The following COL11A2 variants were observed in gnomAD, a reference collection of about 807,000 sequenced individuals.
The protein encoded by COL11A2 is collagen alpha-2(XI) chain.
A neutral mutation model predicts 273.4 loss-of-function variants in COL11A2; 116 were observed. The ratio of observed to expected loss-of-function variants is 0.42; its 90% CI spans 0.36 to 0.49. The LOEUF is 0.49. COL11A2 is among the 20% of genes least tolerant of loss of function. COL11A2 has a pLI of 0.00. For missense variants in COL11A2, 1,866 were observed against 2,309.0 expected (o/e 0.81, Z 3.93); for synonymous variants, 782 against 864.2 (o/e 0.90, Z 1.67).
intron 30 of COL11A2, 102 bp from the exon 31 acceptor site, chr6:33,174,682 C>G (rs1292886026): frequency 9.3e-7 from 1 of 1,070,860 alleles, no homozygotes; most frequent in Non-Finnish European, 1.4e-6. Flanking sequence ...CCCCACCCAG[C>G]AACACACCCC....
At position 33,176,341 on chromosome 6, in the gene COL11A2, G is replaced by A. The variant is rs1179014350; in HGVS notation, c.2170-38C>T. ...AGGGGATAGAAGTAGACTGATCAGG[G>A]GATGGAGGTGGGTTGGAAGGACCAA... On this transcript the variant is annotated intron_variant, in intron 27 of 65. Transcript: ENST00000341947. The surrounding 1 kb of genome is among the most constrained non-coding windows in gnomAD (Gnocchi z 4.9). 1 of 1,601,234 alleles carries A rather than the reference G, an allele frequency of 6.2e-7. No individual in the cohort carries two copies. Among genetic ancestry groups the A allele is most frequent in the South Asian group, 1.1e-5 (1 of 89,616 alleles).
rs370904639 is a variant in COL11A2 at position 33,177,620 on chromosome 6, G to A, written c.1917+42C>T. Reference sequence around the variant, plus strand: ...CCAACAGGATGCTGGCAGGGACCTCGGGGGATAAGAATGGGGGTGGGATCT... The same window carrying A: ...CCAACAGGATGCTGGCAGGGACCTCAGGGGATAAGAATGGGGGTGGGATCT... On this transcript the variant is annotated intron_variant, in intron 22 of 65. Transcript: ENST00000341947. The surrounding 1 kb of genome is among the most constrained non-coding windows in gnomAD (Gnocchi z 5.9). The A allele has an allele frequency of 2.2e-4, 357 of 1,610,730 alleles. 3 individuals carry two copies. In the Middle Eastern group the frequency reaches 5.5e-3, roughly 25 times the overall value.
chr6:33,167,505 C>G lies in COL11A2; in HGVS notation c.4043G>C (p.Gly1348Ala). 6.2e-7 allele frequency: 1 copy of G among 1,612,858 alleles called. No homozygotes were observed. Among genetic ancestry groups the G allele is most frequent in the Non-Finnish European group, 8.5e-7 (1 of 1,180,032 alleles). The change falls in exon 56 of 66, where the codon GGG (glycine) becomes GCG (alanine). Residue 1348 changes from glycine (G) to alanine (A), a missense_variant. Coordinates refer to ENST00000341947, the MANE Select transcript of COL11A2 (RefSeq NM_080680.3). This position sits in a 1 kb window ranked among gnomAD's most constrained non-coding sequence, Gnocchi z 6.1. ...TGCAGGACCCACCGGGCCTGTCTTC[C>G]CCGGGGCACCTATAGCGCCAGGATC... is the stretch of plus-strand genomic sequence containing the variant. ...KGDPGAIGAPGKTGPVGPAGP... is the reference protein window; with the variant it reads ...KGDPGAIGAPAKTGPVGPAGP...
Position 33,177,844 on chromosome 6 carries a change from G to T in COL11A2, c.1873-138C>A. On this transcript the variant is annotated intron_variant, in intron 21 of 65. Transcript: ENST00000341947. The surrounding 1 kb of genome is among the most constrained non-coding windows in gnomAD (Gnocchi z 5.9). ...ACCCAAGCAAACACAGCTGGCCCAG[G>T]CCTGCAGTGTGTGGGACTGTGGATC... is the stretch of plus-strand genomic sequence containing the variant. The T allele has an allele frequency of 1.0e-6, 1 of 971,102 alleles. No homozygotes were observed. The highest frequency in any genetic ancestry group is 1.6e-6 in the Non-Finnish European group (1 of 617,120). 60.2% of individuals were successfully genotyped at this position (971,102 alleles called of 1,614,324 possible).
In COL11A2 at chr6:33,163,681, T is replaced by C; in HGVS notation, c.5208A>G (p.Gly1736=). 1.2e-6 allele frequency: 2 copies of C among 1,613,000 alleles called. No homozygotes were observed. Among genetic ancestry groups the C allele is most frequent in the South Asian group, 1.1e-5 (1 of 91,080 alleles). Residue 1736 remains glycine, a synonymous_variant, in exon 66 of 66, where the codon GGA becomes GGG. Transcript: ENST00000341947. This position sits in a 1 kb window ranked among gnomAD's most constrained non-coding sequence, Gnocchi z 4.1. The stretch of plus-strand genomic sequence containing the variant: ...ACAGGATCAGACAGAGACGGTCCTA[T>C]CCCATGAAGCAGACAGGCCCCAGCA... ...GVLLGPVCFM[G] is the part of the protein sequence containing the mutation.
chr6:33,183,384 C>A (rs567001655), intron 8 of COL11A2, among the ~76,000 whole-genome samples: 2 of 152,012 alleles, frequency 1.3e-5, no homozygotes, highest in Non-Finnish European at 1.5e-5. Context: ...AAGAAAGGCA[C>A]AAAACAGGTA....
rs774521995 is a variant in COL11A2, at chr6:33,166,740, G to T, written c.4318C>A (p.Pro1440Thr). 30 of 1,613,516 alleles carry T rather than the reference G, an allele frequency of 1.9e-5. No homozygotes were observed. Residue 1440 changes from proline to threonine, a missense_variant, in exon 59 of 66, where the codon CCT (proline) becomes ACT (threonine). Transcript: ENST00000341947. This position sits in a 1 kb window ranked among gnomAD's most constrained non-coding sequence, Gnocchi z 4.8. The part of the protein sequence containing the change: ...DRGLPGPQGS[P>T]GQKGEMGIPG... ...CTCACCATCTCACCCTTCTGCCCAG[G>T]GGAGCCCTGAGGCCCAGGAAGTCCC...
At position 33,179,137 on chromosome 6, in the gene COL11A2, G is replaced by A. The variant is rs754143884; in HGVS notation, c.1558-11C>T. The A allele has an allele frequency of 3.3e-5, 53 of 1,613,564 alleles. No individual in the cohort carries two copies. In the South Asian group the frequency reaches 5.3e-4, roughly 16 times the overall value. ...AGGTCCTCTGGGGCCCTGGTGAGAG[G>A]AGAGATGGGGTGGGGTTAGGAGGCA... On this transcript the variant is annotated splice_polypyrimidine_tract_variant and intron_variant, in intron 15 of 65. Transcript: ENST00000341947. This position sits in a 1 kb window ranked among gnomAD's most constrained non-coding sequence, Gnocchi z 6.4.
Position 33,179,533 on chromosome 6 carries a change from AC to A in COL11A2, c.1447-47del. The A allele has an allele frequency of 1.3e-6, 2 of 1,517,960 alleles. No homozygotes were observed. Among genetic ancestry groups the A allele is most frequent in the Non-Finnish European group, 1.8e-6 (2 of 1,116,862 alleles). 94.0% of individuals were successfully genotyped at this position (1,517,960 alleles called of 1,614,324 possible). ...CAGAGCTGAGGGACAGGCAGTGGGA[AC>A]CCCCAGCCCCAGCACTCTCCAAATT... On this transcript the variant is annotated intron_variant, in intron 13 of 65. Transcript: ENST00000341947. The surrounding 1 kb of genome is among the most constrained non-coding windows in gnomAD (Gnocchi z 6.4).
rs772899403 is a variant in COL11A2 at position 33,189,506 on chromosome 6, C to G, written c.83-37G>C. 1.9e-6 allele frequency: 3 copies of G among 1,610,238 alleles called. No homozygotes were observed. In the African/African-American group the frequency reaches 4.0e-5, roughly 22 times the overall value. On this transcript the variant is annotated intron_variant, in intron 1 of 65. Transcript: ENST00000341947. This position sits in a 1 kb window ranked among gnomAD's most constrained non-coding sequence, Gnocchi z 5.6. The stretch of plus-strand genomic sequence containing the variant: ...CATGATTATCAGGAGAAGGGACATG[C>G]CCTCAGGAGGGCATAAATAGGGGAC...
Position 33,164,949 on chromosome 6 carries a change from T to C in COL11A2, c.4766A>G (p.Asp1589Gly). The change falls in exon 64 of 66, where the codon GAC becomes GGC. Residue 1589 changes from aspartate to glycine, a missense_variant. By Grantham distance (94) the Asp-to-Gly change is moderately conservative (BLOSUM62 -1). Transcript: ENST00000341947. This position sits in a 1 kb window ranked among gnomAD's most constrained non-coding sequence, Gnocchi z 4.7. ...ATCCCGAGCACAGCCCTGGTTGGGG[T>C]CGACCCAGTACTCTCCTGTTGGGTG... is the stretch of plus-strand genomic sequence containing the variant. ...PELPDGEYWVDPNQGCARDAF... is the reference protein window; with the variant it reads ...PELPDGEYWVGPNQGCARDAF... 3 of 1,575,272 alleles carry C rather than the reference T, an allele frequency of 1.9e-6. No homozygotes were observed. The highest frequency in any genetic ancestry group is 2.6e-6 in the Non-Finnish European group (3 of 1,159,098).
rs868751794 is a variant in COL11A2 at position 33,164,173 on chromosome 6, C to T, written c.5070+94G>A. On this transcript the variant is annotated intron_variant, in intron 65 of 65. Coordinates refer to ENST00000341947, the MANE Select transcript of COL11A2 (RefSeq NM_080680.3). This position sits in a 1 kb window ranked among gnomAD's most constrained non-coding sequence, Gnocchi z 4.7. ...ATCCAGCAGGACGGACTCCTCCCTG[C>T]TCCCCCTGGGTGCCCTGCCCAAGGG... The T allele has an allele frequency of 1.1e-4, 151 of 1,416,974 alleles. No individual in the cohort carries two copies. The African/African-American group carries it at 1.7e-3, about 16-fold the overall frequency. 87.8% of individuals were successfully genotyped at this position (1,416,974 alleles called of 1,614,324 possible). A position where few individuals can be genotyped will look rare whatever the true frequency, so the allele number is the denominator to read the frequency against.
intron 3 of COL11A2, 85 bp downstream of exon 3, chr6:33,188,893 G>A (rs1274565020): frequency 2.0e-6 from 3 of 1,464,832 alleles, no homozygotes; most frequent in Non-Finnish European, 2.9e-6. Context: ...GGTCTCAAGG[G>A]TTTCACAGTT....
Position 33,176,274 on chromosome 6 carries a change from A to G in COL11A2, c.2199T>C (p.Gly733=), listed in dbSNP as rs1225019914. The part of the protein sequence containing the change: ...KGVDGIRGLK[G]HKGEKGEDGF... ...TGGTGCTCACCTTCTCACCCTTATG[A>G]CCCTTCAGACCCCGAATTCCGTCCA... Residue 733 remains glycine (G), a synonymous_variant, in exon 28 of 66, where the codon GGT becomes GGC. Coordinates refer to ENST00000341947, the MANE Select transcript of COL11A2 (RefSeq NM_080680.3). The surrounding 1 kb of genome is among the most constrained non-coding windows in gnomAD (Gnocchi z 4.9). The G allele has an allele frequency of 6.2e-7, 1 of 1,607,406 alleles. No homozygotes were observed. Among genetic ancestry groups the G allele is most frequent in the Admixed American group, 1.7e-5 (1 of 59,098 alleles).
intron 8 of COL11A2, among the ~76,000 whole-genome samples, chr6:33,181,773 A>G (rs939646874): frequency 6.6e-6 from 1 of 151,260 alleles, no homozygotes; most frequent in African/African-American, 2.4e-5. Flanking sequence ...GGCGTGAGCC[A>G]CCACACCTGG....
chr6:33,165,027 C>A lies in COL11A2; in HGVS notation c.4751-63G>T. On this transcript the variant is annotated intron_variant, in intron 63 of 65. Coordinates refer to ENST00000341947, the MANE Select transcript of COL11A2 (RefSeq NM_080680.3). This position sits in a 1 kb window ranked among gnomAD's most constrained non-coding sequence, Gnocchi z 7.7. ...GGTCCAGGCTCCAAGATGCTCTTTG[C>A]CCCCACATTCCCTCTTCCCTCCCAG... The A allele has an allele frequency of 8.1e-7, 1 of 1,237,244 alleles. No individual in the cohort carries two copies. The highest frequency in any genetic ancestry group is 1.2e-6 in the Non-Finnish European group (1 of 862,632). 76.6% of individuals were successfully genotyped at this position (1,237,244 alleles called of 1,614,324 possible). A position where few individuals can be genotyped will look rare whatever the true frequency, so the allele number is the denominator to read the frequency against.
At position 33,178,102 on chromosome 6, in the gene COL11A2, C is replaced by T. The variant is rs781260185; in HGVS notation, c.1872+30G>A. ...AGAGTTGGAGAGGTCAAGGGGTCAC[C>T]TCAGGGTCAGAAGTCAGGGAGTCAC... On this transcript the variant is annotated intron_variant, in intron 21 of 65. Coordinates refer to ENST00000341947, the MANE Select transcript of COL11A2 (RefSeq NM_080680.3). The surrounding 1 kb of genome is among the most constrained non-coding windows in gnomAD (Gnocchi z 4.6). The T allele has an allele frequency of 6.2e-6, 10 of 1,601,968 alleles. No individual in the cohort carries two copies. In the South Asian group the frequency reaches 1.0e-4, roughly 16 times the overall value.
Position 33,177,499 on chromosome 6 carries a change from A to G in COL11A2, c.1918-34T>C. Reference sequence around the variant, plus strand: ...AGGTGACCAGGCACAGGTCAGAAGGAGATGGAGATAGAACACATTTAGAGC... The same window carrying G: ...AGGTGACCAGGCACAGGTCAGAAGGGGATGGAGATAGAACACATTTAGAGC... On this transcript the variant is annotated intron_variant, in intron 22 of 65. Transcript: ENST00000341947. The surrounding 1 kb of genome is among the most constrained non-coding windows in gnomAD (Gnocchi z 5.9). The G allele has an allele frequency of 1.2e-6, 2 of 1,609,382 alleles. No homozygotes were observed. Among genetic ancestry groups the G allele is most frequent in the African/African-American group, 1.3e-5 (1 of 74,950 alleles).
At chr6:33,192,925 G>T (rs537469322), upstream of COL11A2, among the ~76,000 whole-genome samples, 6 of 152,214 alleles carry the variant, frequency 3.9e-5, no homozygotes, top group South Asian at 8.3e-4. Context: ...GGCCGGGGCG[G>T]GGGTATTTAT....
Sources: gnomAD v4.1 joint callset for allele counts (sites outside exome capture counted in the v4.1 genomes callset) on GRCh38, gnomAD v4.1.1 for gene constraint, Gnocchi (gnomAD v3.1) non-coding constraint, MANE v1.5 for transcripts, NCBI Gene and HGNC (gene_info 2026-07-23, HGNC 2026-07-21) for gene names.